UNC93B1: variants seen among roughly 807,000 people sequenced by gnomAD.
UNC93B1 encodes the protein unc-93B1 regulator of TLR signaling.
A neutral mutation model predicts 56.8 loss-of-function variants in UNC93B1; 33 were observed. That is an observed-to-expected ratio of 0.58 (90% CI 0.44 to 0.78). UNC93B1 has a LOEUF of 0.78. Ranked by LOEUF, UNC93B1 falls within the 30% of genes least tolerant of loss-of-function variation. The pLI is 0.00. For missense variants in UNC93B1, 673 were observed against 819.5 expected (o/e 0.82, Z 2.18); for synonymous variants, 334 against 358.6 (o/e 0.93, Z 0.77).
intron 3 of UNC93B1, 129 bp downstream of exon 3, chr11:68,002,893 G>GA: frequency 2.4e-6 from 3 of 1,270,200 alleles, no homozygotes; most frequent in Non-Finnish European, 2.1e-6. Context: ...CTTCCGGGTA[G>GA]AAAAAAACCT....
chr11:68,004,095 C>T lies in UNC93B1; in HGVS notation c.-52G>A, dbSNP rs1483385198. On this transcript the variant is annotated 5_prime_UTR_variant, in exon 1 of 11. Coordinates refer to ENST00000227471, the MANE Select transcript of UNC93B1 (RefSeq NM_030930.4). ...GGTCGCCCCGGAGTCCCTGCGACCG[C>T]CCGGCCACTTCCTCCCGGCGGCCGG... 1 of 1,266,120 alleles carries T rather than the reference C, an allele frequency of 7.9e-7. No homozygotes were observed. The highest frequency in any genetic ancestry group is 1.0e-6 in the Non-Finnish European group (1 of 1,002,026). The allele number at this position is 1,266,120 out of a possible 1,614,324, so 78.4% of individuals were successfully genotyped here. A position where few individuals can be genotyped will look rare whatever the true frequency, so the allele number is the denominator to read the frequency against.
intron 5 of UNC93B1, 122 bp from the exon 6 acceptor site, chr11:67,998,574 A>G: frequency 1.0e-6 from 1 of 976,906 alleles, no homozygotes; most frequent in Non-Finnish European, 1.6e-6. Context: ...CAGTTCTGGG[A>G]GTAGTGTGGT....
rs762508805 is a variant in UNC93B1 at position 67,997,786 on chromosome 11, G to A, written c.795C>T (p.His265=). The change falls in exon 7 of 11, where the codon CAC becomes CAT. Residue 265 remains histidine, a synonymous_variant. Transcript: ENST00000227471. The part of the protein sequence containing the change: ...YNVQSCGTNS[H]GILSGFNKTV... ...TCTTGTTGAAGCCGCTGAGGATCCC[G>A]TGGCTGTTGGTGCCTGGGAAGGGTG... 8 of 1,607,954 alleles carry A rather than the reference G, an allele frequency of 5.0e-6. No individual in the cohort carries two copies. Among genetic ancestry groups the A allele is most frequent in the African/African-American group, 2.7e-5 (2 of 74,932 alleles).
Position 67,995,748 on chromosome 11 carries a change from G to C in UNC93B1, c.1226C>G (p.Ala409Gly). Residue 409 changes from alanine to glycine, a missense_variant, in exon 9 of 11, where the codon GCA becomes GGA. Transcript: ENST00000227471. Reference protein sequence around the residue: ...LPRPVPLVAGAGVHLLLTFIL... With the variant: ...LPRPVPLVAGGGVHLLLTFIL... ...GAAGGTGAGCAGCAGGTGCACCCCTGCTCCGGCCACCAGGGGCACCGGGCG... is the reference window on the plus strand; with the variant it reads ...GAAGGTGAGCAGCAGGTGCACCCCTCCTCCGGCCACCAGGGGCACCGGGCG... 1 of 1,548,506 alleles carries C rather than the reference G, an allele frequency of 6.5e-7. No homozygotes were observed. The highest frequency in any genetic ancestry group is 8.7e-7 in the Non-Finnish European group (1 of 1,146,918).
chr11:68,003,834 C>T lies in UNC93B1; in HGVS notation c.97-36G>A. ...CGCACGCCGCTCGCACCCGCGATCG[C>T]GCCCCGAACCCGTGTCCCCCGGTGC... On this transcript the variant is annotated intron_variant, in intron 1 of 10. Transcript: ENST00000227471. This position sits in a 1 kb window ranked among gnomAD's most constrained non-coding sequence, Gnocchi z 4.4. 4.2e-6 allele frequency: 6 copies of T among 1,428,886 alleles called. No homozygotes were observed. Among genetic ancestry groups the T allele is most frequent in the Non-Finnish European group, 5.5e-6 (6 of 1,091,624 alleles). 88.5% of individuals were successfully genotyped at this position (1,428,886 alleles called of 1,614,324 possible). A position where few individuals can be genotyped will look rare whatever the true frequency, so the allele number is the denominator to read the frequency against.
Position 67,991,644 on chromosome 11 carries a change from G to C in UNC93B1, c.1696C>G (p.Pro566Ala), listed in dbSNP as rs746038791. Residue 566 changes from proline to alanine, a missense_variant, in exon 11 of 11, where the codon CCC (proline) becomes GCC (alanine). Pro to Ala is a conservative substitution (Grantham distance 27). Around this residue, in one of 3 missense-constraint regions of UNC93B1, gnomAD observed 80 missense variants for 85.3 expected, o/e 0.94. Coordinates refer to ENST00000227471, the MANE Select transcript of UNC93B1 (RefSeq NM_030930.4). ...HGDGAEEEAPPAGPRPGPEPA... is the reference protein window; with the variant it reads ...HGDGAEEEAPAAGPRPGPEPA... Reference sequence around the variant, plus strand: ...TCGGGGCCAGGCCTGGGCCCTGCGGGCGGCGCCTCCTCCTCCGCGCCGTCC... The same window carrying C: ...TCGGGGCCAGGCCTGGGCCCTGCGGCCGGCGCCTCCTCCTCCGCGCCGTCC... 2 of 1,523,164 alleles carry C rather than the reference G, an allele frequency of 1.3e-6. No individual in the cohort carries two copies. The highest frequency in any genetic ancestry group is 2.4e-5 in the South Asian group (2 of 82,884). 94.4% of individuals were successfully genotyped at this position (1,523,164 alleles called of 1,614,324 possible).
At position 67,999,566 on chromosome 11, in the gene UNC93B1, G is replaced by A. The variant is rs1857009839; in HGVS notation, c.507C>T (p.Gly169=). 2 of 1,580,410 alleles carry A rather than the reference G, an allele frequency of 1.3e-6. No individual in the cohort carries two copies. The highest frequency in any genetic ancestry group is 1.2e-5 in the South Asian group (1 of 86,342). ...AAGCCCAAAGAGGCACGATGGCCAT[G>A]CCCAGGGCCACAGCCGAGGGCACAA... The part of the protein sequence containing the change: ...YTLVPSAVAL[G]MAIVPLWASM... The change falls in exon 4 of 11, where the codon GGC becomes GGT. Residue 169 remains glycine (G), a synonymous_variant. Coordinates refer to ENST00000227471, the MANE Select transcript of UNC93B1 (RefSeq NM_030930.4).
At chr11:67,993,178 G>A (rs180800353) in intron 10 of UNC93B1, among the ~76,000 whole-genome samples, 2,119 of 151,734 alleles carry the variant, frequency 0.014, 39 homozygotes, top group African/African-American at 0.046. Context: ...TAGTAGAGAC[G>A]AGGTTTCACC....
rs766567004 is a variant in UNC93B1, at chr11:67,999,299, C to A, written c.561G>T (p.Ala187=). 2 of 1,612,566 alleles carry A rather than the reference C, an allele frequency of 1.2e-6. No homozygotes were observed. The highest frequency in any genetic ancestry group is 1.7e-6 in the Non-Finnish European group (2 of 1,179,326). Residue 187 remains alanine, a synonymous_variant, in exon 5 of 11, where the codon GCG becomes GCT. Coordinates refer to ENST00000227471, the MANE Select transcript of UNC93B1 (RefSeq NM_030930.4). Reference sequence around the variant, plus strand: ...AGTGGGAGTACTCATGGTACTTCTGCGCCATCCTGGACCACAAAGGAGAGA... The same window carrying A: ...AGTGGGAGTACTCATGGTACTTCTGAGCCATCCTGGACCACAAAGGAGAGA... The part of the protein sequence containing the change: ...ASMGNYITRM[A]QKYHEYSHYK...
Position 67,998,404 on chromosome 11 carries a change from A to T in UNC93B1, c.736T>A (p.Tyr246Asn). ...QLPMIYFLNH[Y>N]LYDLNHTLYN... ...AGCGTGTGGTTCAGGTCATACAGGTAGTGGTTCAGGAAATAAATCATGGGC... is the reference window on the plus strand; with the variant it reads ...AGCGTGTGGTTCAGGTCATACAGGTTGTGGTTCAGGAAATAAATCATGGGC... The change falls in exon 6 of 11, where the codon TAC becomes AAC. Residue 246 changes from tyrosine (Y) to asparagine (N), a missense_variant. Physicochemically the swap from Tyr to Asn is moderately radical, Grantham distance 143 (BLOSUM62 -2). Transcript: ENST00000227471. 6.2e-7 allele frequency: 1 copy of T among 1,613,972 alleles called. No individual in the cohort carries two copies. The highest frequency in any genetic ancestry group is 8.5e-7 in the Non-Finnish European group (1 of 1,179,862).
At chr11:67,997,484 G>A (rs1366061791) in intron 7 of UNC93B1, 191 bp downstream of exon 7, 2 of 999,574 alleles carry the variant, frequency 2.0e-6, no homozygotes, top group Non-Finnish European at 2.8e-6. Flanking sequence ...CCCCGCCTCC[G>A]AGCCTCATGC....
At position 67,999,436 on chromosome 11, in the gene UNC93B1, T is replaced by C. The variant is rs528445083; in HGVS notation, c.554+83A>G. 85 of 1,546,284 alleles carry C rather than the reference T, an allele frequency of 5.5e-5. 1 individual carries two copies. In the South Asian group the frequency reaches 6.9e-4, roughly 13 times the overall value. On this transcript the variant is annotated intron_variant, in intron 4 of 10. Coordinates refer to ENST00000227471, the MANE Select transcript of UNC93B1 (RefSeq NM_030930.4). The stretch of plus-strand genomic sequence containing the variant: ...GGCCCAGAGGGCGGAAGGGGCTTCC[T>C]GTGGTCCCCCAGCCAAAGTTGGCAA...
Position 67,991,573 on chromosome 11 carries a change from C to T in UNC93B1, c.1767G>A (p.Gln589=). The change falls in exon 11 of 11, where the codon CAG becomes CAA. Residue 589 remains glutamine (Q), a synonymous_variant. Transcript: ENST00000227471. ...ACTGCTCCTCCGGCCCGTCTCCCCC[C>T]TGCGCCTGTTCGTACGGGCAGGGCC... ...GRRPCPYEQA[Q]GGDGPEEQ is the part of the protein sequence containing the mutation. The T allele has an allele frequency of 6.7e-7, 1 of 1,491,392 alleles. No homozygotes were observed. Among genetic ancestry groups the T allele is most frequent in the South Asian group, 1.3e-5 (1 of 79,106 alleles). The allele number at this position is 1,491,392 out of a possible 1,614,324, so 92.4% of individuals were successfully genotyped here.
At chr11:67,997,396 C>T (rs1856966756) in intron 7 of UNC93B1, among the ~76,000 whole-genome samples, 1 of 152,120 alleles carries the variant, frequency 6.6e-6, no homozygotes, top group Admixed American at 6.5e-5. Context: ...GTCTCCAGCT[C>T]GAAACTGTGG....
chr11:68,003,224 C>A lies in UNC93B1; in HGVS notation c.239-49G>T, dbSNP rs373531094. ...GTGCAGGGAGCAGCCTAGCTTTGGG[C>A]GCCACCGAGCAGAAGACGGCATGCA... On this transcript the variant is annotated intron_variant, in intron 2 of 10. Transcript: ENST00000227471. The surrounding 1 kb of genome is among the most constrained non-coding windows in gnomAD (Gnocchi z 4.4). 32 of 1,542,374 alleles carry A rather than the reference C, an allele frequency of 2.1e-5. No homozygotes were observed. Among genetic ancestry groups the A allele is most frequent in the Non-Finnish European group, 2.6e-5 (30 of 1,150,980 alleles).
In UNC93B1 at chr11:67,991,830, G is replaced by A; in HGVS notation, c.1510C>T (p.Leu504=). The part of the protein sequence containing the change: ...KAKLAVLLVT[L]VAAAVSYLRM... ...AGGTAGGAGACCGCGGCCGCCACCA[G>A]CGTCACCAGCAGCACCGCCAGCTTA... Residue 504 remains leucine, a synonymous_variant, in exon 11 of 11, where the codon CTG becomes TTG. Transcript: ENST00000227471. 2.6e-6 allele frequency: 4 copies of A among 1,567,840 alleles called. No individual in the cohort carries two copies. Among genetic ancestry groups the A allele is most frequent in the Non-Finnish European group, 3.4e-6 (4 of 1,166,442 alleles).
At chr11:68,002,696 C>CA (rs1380377508) in intron 3 of UNC93B1, among the ~76,000 whole-genome samples, 1 of 152,198 alleles carries the variant, frequency 6.6e-6, no homozygotes, top group African/African-American at 2.4e-5. Context: ...TCTACAGCCC[C>CA]AACCCTGAAG....
intron 10 of UNC93B1, among the ~76,000 whole-genome samples, chr11:67,992,895 G>T (rs192809): frequency 6.7e-6 from 1 of 148,908 alleles, no homozygotes; most frequent in African/African-American, 2.5e-5. Context: ...TCGAACTCCA[G>T]ATCTCAGAAC....
chr11:67,999,143 C>T, intron 5 of UNC93B1, 30 bp downstream of exon 5: 1 of 1,613,170 alleles, frequency 6.2e-7, no homozygotes, highest in Non-Finnish European at 8.5e-7. Flanking sequence ...TCTGCCCCTG[C>T]CACCCAACAA....
Sources: allele counts gnomAD v4.1 joint callset (sites outside exome capture counted in the v4.1 genomes callset), GRCh38; gene constraint gnomAD v4.1.1; regional missense constraint gnomAD v4.1.1; non-coding constraint Gnocchi (gnomAD v3.1); transcripts MANE v1.5; gene names NCBI Gene and HGNC (gene_info 2026-07-23, HGNC 2026-07-21).